SPEG: variants seen among roughly 807,000 people sequenced by gnomAD.
SPEG encodes the protein striated muscle enriched protein kinase.
A neutral mutation model predicts 300.4 loss-of-function variants in SPEG; 114 were observed. The ratio of observed to expected loss-of-function variants is 0.38; its 90% CI spans 0.33 to 0.44. SPEG has a LOEUF of 0.44. Among genes scored for constraint, SPEG ranks in the 20% least tolerant of loss-of-function variants. SPEG has a pLI of 1.00. For missense variants in SPEG, 4,201 were observed against 4,586.2 expected (o/e 0.92, Z 2.43); for synonymous variants, 1,964 against 2,018.9 (o/e 0.97, Z 0.73).
chr2:219,493,309 G>T lies in SPEG; in HGVS notation c.*523G>T. 1 of 356,302 alleles carries T rather than the reference G, an allele frequency of 2.8e-6. No individual in the cohort carries two copies. Among genetic ancestry groups the T allele is most frequent in the South Asian group, 2.1e-5 (1 of 47,608 alleles). 22.1% of individuals were successfully genotyped at this position (356,302 alleles called of 1,614,324 possible). Reference sequence around the variant, plus strand: ...AGCGAGGCGGCAGAGGGAGAAGAGAGGACTCAGGTGGAGGTGGGGTGGGTC... The same window carrying T: ...AGCGAGGCGGCAGAGGGAGAAGAGATGACTCAGGTGGAGGTGGGGTGGGTC... On this transcript the variant is annotated 3_prime_UTR_variant, in exon 41 of 41. Coordinates refer to ENST00000312358, the MANE Select transcript of SPEG (RefSeq NM_005876.5).
At position 219,477,786 on chromosome 2, in the gene SPEG, G is replaced by T. The variant is rs1559409771; in HGVS notation, c.4826+1G>T. 1 of 1,606,256 alleles carries T rather than the reference G, an allele frequency of 6.2e-7. No homozygotes were observed. The highest frequency in any genetic ancestry group is 8.5e-7 in the Non-Finnish European group (1 of 1,175,158). ...ATGACATCCACCAGGAGATCGGCAG[G>T]TGTGGGGCTAGGAGGGAAGCCAGTG... On this transcript the variant is annotated splice_donor_variant, in intron 21 of 40. Coordinates refer to ENST00000312358, the MANE Select transcript of SPEG (RefSeq NM_005876.5). LOFTEE classifies it high-confidence loss of function. The surrounding 1 kb of genome is among the most constrained non-coding windows in gnomAD (Gnocchi z 6.4).
Position 219,479,448 on chromosome 2 carries a change from A to G in SPEG, c.5085+247A>G, listed in dbSNP as rs944349299. ...CCCCAGCTCCTAACTGTTGTTTCCCACTCTTCATCACATAAACATCCCCCA... is the reference window on the plus strand; with the variant it reads ...CCCCAGCTCCTAACTGTTGTTTCCCGCTCTTCATCACATAAACATCCCCCA... On this transcript the variant is annotated intron_variant, in intron 23 of 40. Transcript: ENST00000312358. This position sits in a 1 kb window ranked among gnomAD's most constrained non-coding sequence, Gnocchi z 5.5. 6.6e-6 allele frequency among the ~76,000 whole-genome samples: 1 copy of G among 151,890 alleles called. No individual in the cohort carries two copies. The highest frequency in any genetic ancestry group is 2.4e-5 in the African/African-American group (1 of 41,332).
Position 219,483,690 on chromosome 2 carries a change from G to T in SPEG, c.6227G>T (p.Arg2076Leu), listed in dbSNP as rs1404227254. 1 of 1,533,878 alleles carries T rather than the reference G, an allele frequency of 6.5e-7. No individual in the cohort carries two copies. Among genetic ancestry groups the T allele is most frequent in the Non-Finnish European group, 8.7e-7 (1 of 1,146,710 alleles). Residue 2076 changes from arginine (R) to leucine (L), a missense_variant, in exon 30 of 41, where the codon CGG becomes CTG. By Grantham distance (102) the Arg-to-Leu change is moderately radical. Transcript: ENST00000312358. ...RLQALRQRLL[R>L]GGPEDGKVSG... Reference sequence around the variant, plus strand: ...CAGGCCCTGCGCCAGCGGCTGCTGCGGGGAGGCCCCGAGGATGGCAAGGTC... The same window carrying T: ...CAGGCCCTGCGCCAGCGGCTGCTGCTGGGAGGCCCCGAGGATGGCAAGGTC...
At chr2:219,461,030 G>A in intron 6 of SPEG, 2 of 976,892 alleles carry the variant, frequency 2.0e-6, no homozygotes, top group South Asian at 4.7e-5. Context: ...GGGGGCTTGG[G>A]GTGGGGGGAC....
Position 219,458,396 on chromosome 2 carries a change from C to T in SPEG, c.2441-3486C>T, listed in dbSNP as rs1475450734. On this transcript the variant is annotated intron_variant, in intron 6 of 40. Transcript: ENST00000312358. The surrounding 1 kb of genome is among the most constrained non-coding windows in gnomAD (Gnocchi z 4.2). ...TGAGTATGTGTTAGAAATGCAGTTT[C>T]TTTTTTTTTTTTTCCCAATAAGCGT... Among the ~76,000 whole-genome samples, 2 of 145,288 alleles carry T rather than the reference C, an allele frequency of 1.4e-5. No individual in the cohort carries two copies. The highest frequency in any genetic ancestry group is 6.9e-5 in the Admixed American group (1 of 14,514).
chr2:219,479,717 C>T lies in SPEG; in HGVS notation c.5086-66C>T, dbSNP rs528666752. 91 of 1,489,834 alleles carry T rather than the reference C, an allele frequency of 6.1e-5. No homozygotes were observed. Among genetic ancestry groups the T allele is most frequent in the African/African-American group, 5.2e-4 (38 of 72,500 alleles). 92.3% of individuals were successfully genotyped at this position (1,489,834 alleles called of 1,614,324 possible). A position where few individuals can be genotyped will look rare whatever the true frequency, so the allele number is the denominator to read the frequency against. On this transcript the variant is annotated intron_variant, in intron 23 of 40. Coordinates refer to ENST00000312358, the MANE Select transcript of SPEG (RefSeq NM_005876.5). The surrounding 1 kb of genome is among the most constrained non-coding windows in gnomAD (Gnocchi z 5.5). Reference sequence around the variant, plus strand: ...CCACAGGCACAGCCGGACCGCTTGCCGCCCTGGAGGTGTTCAGACATACAC... The same window carrying T: ...CCACAGGCACAGCCGGACCGCTTGCTGCCCTGGAGGTGTTCAGACATACAC...
rs549171809 is a variant in SPEG, at chr2:219,482,621, C to T, written c.5566-163C>T. Reference sequence around the variant, plus strand: ...TGTGCATCTTGGCTGTAGGCATTGTCCTGACAGACCCAGGGGGAAGGGGAC... The same window carrying T: ...TGTGCATCTTGGCTGTAGGCATTGTTCTGACAGACCCAGGGGGAAGGGGAC... On this transcript the variant is annotated intron_variant, in intron 28 of 40. Coordinates refer to ENST00000312358, the MANE Select transcript of SPEG (RefSeq NM_005876.5). Among the ~76,000 whole-genome samples the T allele has an allele frequency of 7.9e-5, 12 of 152,260 alleles. No individual in the cohort carries two copies. The East Asian group carries it at 2.3e-3, about 29-fold the overall frequency.
At position 219,488,255 on chromosome 2, in the gene SPEG, C is replaced by T; in HGVS notation, c.7803C>T (p.Ala2601=). Residue 2601 remains alanine, a synonymous_variant, in exon 32 of 41, where the codon GCC becomes GCT. Coordinates refer to ENST00000312358, the MANE Select transcript of SPEG (RefSeq NM_005876.5). The stretch of plus-strand genomic sequence containing the variant: ...AGGTGCTGCTGGAGGGGGAGGCAGC[C>T]ACCCTGCTCTGCCTGCCAGCGGCCT... ...KDQVLLEGEA[A]TLLCLPAACP... 1 of 1,613,534 alleles carries T rather than the reference C, an allele frequency of 6.2e-7. No individual in the cohort carries two copies. Among genetic ancestry groups the T allele is most frequent in the Non-Finnish European group, 8.5e-7 (1 of 1,179,824 alleles).
At chr2:219,455,179 A>T (rs1690079877) in intron 6 of SPEG, among the ~76,000 whole-genome samples, 1 of 152,242 alleles carries the variant, frequency 6.6e-6, no homozygotes, top group South Asian at 2.1e-4. Context: ...CCCTGTGTTG[A>T]TTGGATTATT....
chr2:219,467,165 T>A lies in SPEG; in HGVS notation c.2882-9T>A, dbSNP rs761571151. 2 of 1,564,116 alleles carry A rather than the reference T, an allele frequency of 1.3e-6. No homozygotes were observed. Among genetic ancestry groups the A allele is most frequent in the Admixed American group, 3.5e-5 (2 of 57,880 alleles). Reference sequence around the variant, plus strand: ...CTGTGCGTGGCCCCCGTGGCTGCTTTCCCCTCAGCACACCCTGAAAGCCGG... The same window carrying A: ...CTGTGCGTGGCCCCCGTGGCTGCTTACCCCTCAGCACACCCTGAAAGCCGG... On this transcript the variant is annotated splice_polypyrimidine_tract_variant and intron_variant, in intron 9 of 40. Transcript: ENST00000312358.
rs755962833 is a variant in SPEG, at chr2:219,479,723, G to C, written c.5086-60G>C. On this transcript the variant is annotated intron_variant, in intron 23 of 40. Coordinates refer to ENST00000312358, the MANE Select transcript of SPEG (RefSeq NM_005876.5). The surrounding 1 kb of genome is among the most constrained non-coding windows in gnomAD (Gnocchi z 5.5). ...GCACAGCCGGACCGCTTGCCGCCCT[G>C]GAGGTGTTCAGACATACACCACCCT... The C allele has an allele frequency of 6.6e-7, 1 of 1,525,416 alleles. No individual in the cohort carries two copies. The highest frequency in any genetic ancestry group is 9.1e-7 in the Non-Finnish European group (1 of 1,101,454). The allele number at this position is 1,525,416 out of a possible 1,614,324, so 94.5% of individuals were successfully genotyped here. A position where few individuals can be genotyped will look rare whatever the true frequency, so the allele number is the denominator to read the frequency against.
In SPEG at chr2:219,477,019, G is replaced by C; in HGVS notation, c.4560+37G>C. 3 of 1,539,198 alleles carry C rather than the reference G, an allele frequency of 1.9e-6. No homozygotes were observed. The highest frequency in any genetic ancestry group is 2.7e-6 in the Non-Finnish European group (3 of 1,126,950). ...CTGCTGGCTGAGCCTGGGGGAGGGA[G>C]GAGGGGCTCCCTGGGGGCGTGGGAG... is the stretch of plus-strand genomic sequence containing the variant. On this transcript the variant is annotated intron_variant, in intron 19 of 40. Transcript: ENST00000312358. The surrounding 1 kb of genome is among the most constrained non-coding windows in gnomAD (Gnocchi z 6.4).
chr2:219,471,795 C>T lies in SPEG; in HGVS notation c.3716-73C>T, dbSNP rs73991563. 0.27 allele frequency: 430,906 copies of T among 1,583,320 alleles called. 61,304 individuals carry two copies. The highest frequency in any genetic ancestry group is 0.45 in the South Asian group (39,226 of 87,494). ...GTGGATGGGGGTGAGGGACCAGGCC[C>T]GGGATGGCATGGGCCTACCCCTCAA... On this transcript the variant is annotated intron_variant, in intron 13 of 40. Coordinates refer to ENST00000312358, the MANE Select transcript of SPEG (RefSeq NM_005876.5).
chr2:219,461,320 G>A (rs1449914614), intron 6 of SPEG: 4 of 987,706 alleles, frequency 4.0e-6, no homozygotes, highest in Non-Finnish European at 4.8e-6. Context: ...GGGTTTGCAC[G>A]GCAGGAAGCT....
chr2:219,451,837 T>TG lies in SPEG; in HGVS notation c.2440+35dup. 1 of 1,491,088 alleles carries TG rather than the reference T, an allele frequency of 6.7e-7. No individual in the cohort carries two copies. Among genetic ancestry groups the TG allele is most frequent in the South Asian group, 1.3e-5 (1 of 75,508 alleles). The allele number at this position is 1,491,088 out of a possible 1,614,324, so 92.4% of individuals were successfully genotyped here. On this transcript the variant is annotated intron_variant, in intron 6 of 40. Coordinates refer to ENST00000312358, the MANE Select transcript of SPEG (RefSeq NM_005876.5). This position sits in a 1 kb window ranked among gnomAD's most constrained non-coding sequence, Gnocchi z 6.4. ...GGAGCCCATCAACCCTGGGGCTGGG[T>TG]GGGGGCAAGCCGTGACTCTCCCCTG... is the stretch of plus-strand genomic sequence containing the variant.
intron 9 of SPEG, chr2:219,466,297 C>T (rs1171501426): frequency 5.6e-5 from 80 of 1,420,370 alleles, no homozygotes; most frequent in Non-Finnish European, 7.1e-5. Context: ...GCCAGGAGGC[C>T]CACAGATGGA....
chr2:219,461,342 G>C (rs796802718), intron 6 of SPEG: 2 of 987,614 alleles, frequency 2.0e-6, no homozygotes, highest in African/African-American at 1.7e-5. Flanking sequence ...AGAAGGGAAA[G>C]GGGGAGGGGC....
At position 219,469,360 on chromosome 2, in the gene SPEG, C is replaced by G; in HGVS notation, c.3696C>G (p.Asp1232Glu). 6.2e-7 allele frequency: 1 copy of G among 1,613,580 alleles called. No individual in the cohort carries two copies. ...ATGGCCACCGCATCCAGAGCAGCGA[C>G]GACCGGCGCATGACACAGTGTACGT... Reference protein sequence around the residue: ...FHNGHRIQSSDDRRMTQYRDV... With the variant: ...FHNGHRIQSSEDRRMTQYRDV... Residue 1232 changes from aspartate to glutamate, a missense_variant, in exon 13 of 41, where the codon GAC becomes GAG. Around this residue, in one of 4 missense-constraint regions of SPEG, gnomAD observed 1,047 missense variants for 1,356.8 expected, o/e 0.77. Transcript: ENST00000312358.
At position 219,461,859 on chromosome 2, in the gene SPEG, T is replaced by C. The variant is rs766020822; in HGVS notation, c.2441-23T>C. ...GCTCTCTGCTCGCCTTCCTCCCTGG[T>C]AGCTATCTCTGTCTCTCTCCAGGTG... On this transcript the variant is annotated intron_variant, in intron 6 of 40. Transcript: ENST00000312358. The C allele has an allele frequency of 3.1e-5, 50 of 1,609,972 alleles. 1 individual carries two copies. The South Asian group carries it at 5.4e-4, about 17-fold the overall frequency.
Sources: allele counts gnomAD v4.1 joint callset (sites outside exome capture counted in the v4.1 genomes callset), GRCh38; gene constraint gnomAD v4.1.1; regional missense constraint gnomAD v4.1.1; non-coding constraint Gnocchi (gnomAD v3.1); transcripts MANE v1.5; gene names NCBI Gene and HGNC (gene_info 2026-07-23, HGNC 2026-07-21).